Variants in GLIS3 observed in about 807,000 individuals in gnomAD.
The protein encoded by GLIS3 is GLIS family zinc finger 3.
Under a neutral mutation model 78.6 loss-of-function variants are expected in GLIS3, and 53 were observed. That is an observed-to-expected ratio of 0.67 (90% CI 0.54 to 0.85). The LOEUF (loss-of-function observed/expected upper bound fraction) is 0.85. Among genes scored for constraint, GLIS3 ranks in the 40% least tolerant of loss-of-function variants. The probability of loss-of-function intolerance (pLI) is 0.00; values close to 1 mark genes in which losing one functional copy is unlikely to be tolerated. For missense variants in GLIS3, 1,703 were observed against 1,231.1 expected, an observed-to-expected ratio of 1.38 and a Z score of -5.74; for synonymous variants, 684 against 509.9, an observed-to-expected ratio of 1.34 and a Z score of -4.60.
intron 2 of GLIS3, among the ~76,000 whole-genome samples, chr9:4,276,533 G>A (rs1421304718): frequency 5.6e-5 from 3 of 53,646 alleles, no homozygotes; most frequent in Non-Finnish European, 1.0e-4. Flanking sequence ...GAAGGGAAGA[G>A]AAGGGGACGG....
chr9:4,158,331 C>G (rs960584898), intron 2 of GLIS3, among the ~76,000 whole-genome samples: 2 of 152,120 alleles, frequency 1.3e-5, no homozygotes, highest in African/African-American at 2.4e-5. Flanking sequence ...TACATGTGTC[C>G]AAAGAGGGCA....
intron 4 of GLIS3, chr9:4,305,401 G>A (rs977991421): frequency 3.3e-5 from 5 of 152,186 alleles, no homozygotes; most frequent in East Asian, 1.9e-4. Context: ...AGGTTGAATC[G>A]GAATTGTGAC....
At chr9:4,082,177 C>T (rs538713878) in intron 4 of GLIS3, among the ~76,000 whole-genome samples, 105 of 152,252 alleles carry the variant, frequency 6.9e-4, no homozygotes, top group African/African-American at 2.4e-3. Flanking sequence ...ATTGCATCTC[C>T]GAGTAAGAGC....
At chr9:4,208,920 G>A (rs368822858) in intron 2 of GLIS3, among the ~76,000 whole-genome samples, 25 of 152,138 alleles carry the variant, frequency 1.6e-4, no homozygotes, top group African/African-American at 5.6e-4. Flanking sequence ...AAGGCTGTCT[G>A]GATGGGAGGA....
chr9:4,337,832 T>C (rs1280985706), intron 2 of GLIS3, among the ~76,000 whole-genome samples: 1 of 152,178 alleles, frequency 6.6e-6, no homozygotes, highest in Non-Finnish European at 1.5e-5. Flanking sequence ...TGTTGTATCA[T>C]TTAATCCTCA....
At chr9:4,049,528 C>G (rs1825537341) in intron 4 of GLIS3, among the ~76,000 whole-genome samples, 1 of 152,160 alleles carries the variant, frequency 6.6e-6, no homozygotes, top group African/African-American at 2.4e-5. Context: ...GTGTACTGAG[C>G]TATTCGTAGT....
chr9:3,989,921 G>GT (rs1820084097), intron 4 of GLIS3, among the ~76,000 whole-genome samples: 1 of 152,116 alleles, frequency 6.6e-6, no homozygotes, highest in Admixed American at 6.5e-5. Flanking sequence ...GTCATGATTT[G>GT]TATCAAGTTC....
At chr9:4,029,391 T>C (rs1216010641) in intron 4 of GLIS3, among the ~76,000 whole-genome samples, 2 of 152,106 alleles carry the variant, frequency 1.3e-5, no homozygotes, top group South Asian at 2.1e-4. Context: ...AGGGATGTAA[T>C]ATAAAATAAG....
chr9:4,028,706 T>C (rs1823559208), intron 4 of GLIS3, among the ~76,000 whole-genome samples: 1 of 150,582 alleles, frequency 6.6e-6, no homozygotes, highest in South Asian at 2.1e-4. Flanking sequence ...TTCCTGCTTT[T>C]GAATTGAGTA....
At chr9:4,012,771 T>TC (rs1822130891) in intron 4 of GLIS3, among the ~76,000 whole-genome samples, 1 of 135,124 alleles carries the variant, frequency 7.4e-6, no homozygotes, top group South Asian at 2.4e-4. Flanking sequence ...TTTTCTTTTT[T>TC]TTTTTTTTTT....
chr9:3,956,557 T>C (rs1021945441), intron 4 of GLIS3, among the ~76,000 whole-genome samples: 3 of 152,234 alleles, frequency 2.0e-5, no homozygotes, highest in Non-Finnish European at 4.4e-5. Context: ...CAGCCCATTC[T>C]TAAGTAACTC....
intron 2 of GLIS3, among the ~76,000 whole-genome samples, chr9:4,173,135 C>G (rs1816515080): frequency 6.6e-6 from 1 of 152,048 alleles, no homozygotes; most frequent in Non-Finnish European, 1.5e-5. Flanking sequence ...TTATTTTTAC[C>G]TTATCTTTAA....
At chr9:4,465,960 T>A in the GLIS3 span, among the ~76,000 whole-genome samples, 2 of 152,136 alleles carry the variant, frequency 1.3e-5, no homozygotes. Flanking sequence ...GAGACTACTT[T>A]AAAAATGTGG....
At chr9:4,397,973 A>G in the GLIS3 span, among the ~76,000 whole-genome samples, 1 of 152,066 alleles carries the variant, frequency 6.6e-6, no homozygotes, top group Non-Finnish European at 1.5e-5. Flanking sequence ...CGTCTCCTAC[A>G]GACAGCCATT....
intron 2 of GLIS3, among the ~76,000 whole-genome samples, chr9:4,276,008 A>T (rs977745951): frequency 6.6e-6 from 1 of 151,786 alleles, no homozygotes; most frequent in African/African-American, 2.4e-5. Flanking sequence ...GTTAGCCAGG[A>T]GCAGTGGTTC....
chr9:3,879,646 G>C, intron 7 of GLIS3, 51 bp from the exon 8 acceptor site: 1 of 1,598,978 alleles, frequency 6.3e-7, no homozygotes. Flanking sequence ...GGAAGCCCAC[G>C]TTTTTTAAAT....
chr9:3,894,672 AGTATT>A (rs1461332845), intron 7 of GLIS3, among the ~76,000 whole-genome samples: 50 of 152,056 alleles, frequency 3.3e-4, no homozygotes, highest in Non-Finnish European at 3.1e-4. Flanking sequence ...CTCCAAAAAA[AGTATT>A]TTTCCTTCTA....
the GLIS3 span, among the ~76,000 whole-genome samples, chr9:4,432,860 C>T: frequency 2.6e-5 from 4 of 151,938 alleles, no homozygotes; most frequent in Non-Finnish European, 5.9e-5. Context: ...AGTCTGGTCT[C>T]GAACTCCTAA....
intron 6 of GLIS3, among the ~76,000 whole-genome samples, chr9:3,913,491 C>T (rs560570320): frequency 2.0e-5 from 3 of 152,328 alleles, no homozygotes; most frequent in African/African-American, 4.8e-5. Flanking sequence ...CACACAGAGC[C>T]AAGACATTCC....
Sources: allele counts gnomAD v4.1 joint callset (sites outside exome capture counted in the v4.1 genomes callset), GRCh38; gene constraint gnomAD v4.1.1; transcripts MANE v1.5; gene names NCBI Gene and HGNC (gene_info 2026-07-23, HGNC 2026-07-21).